The following HCN1 variants were observed in gnomAD, a reference collection of about 807,000 sequenced individuals.
HCN1 encodes the protein hyperpolarization activated cyclic nucleotide gated potassium channel 1.
Under a neutral mutation model 78.9 loss-of-function variants are expected in HCN1, and 13 were observed. The ratio of observed to expected loss-of-function variants is 0.16; its 90% CI spans 0.11 to 0.26. The LOEUF is 0.26. HCN1 is among the 10% of genes least tolerant of loss of function. The pLI, the probability that HCN1 is intolerant of heterozygous loss-of-function variation, is 1.00. For missense variants in HCN1, 810 were observed against 1,154.3 expected, an observed-to-expected ratio of 0.70 and a Z score of 4.32; for synonymous variants, 552 against 455.5, an observed-to-expected ratio of 1.21 and a Z score of -2.70.
chr5:45,314,959 A>G (rs182252330), intron 5 of HCN1, among the ~76,000 whole-genome samples: 36 of 152,290 alleles, frequency 2.4e-4, no homozygotes, highest in African/African-American at 8.7e-4. Flanking sequence ...CCAAACAATA[A>G]TAATGGGAGA....
At chr5:45,271,434 T>C (rs1254297534) in intron 6 of HCN1, among the ~76,000 whole-genome samples, 3 of 151,788 alleles carry the variant, frequency 2.0e-5, no homozygotes, top group Non-Finnish European at 4.4e-5. Flanking sequence ...TTAGGGATTC[T>C]TTTTTTGGTA....
rs567627683 is a variant in HCN1, at chr5:45,343,649, G to T, written c.1377+9451C>A. ...AATGGTTTAATGATGGAAGAAAAAT[G>T]ACTTCATTATATAATCTACTACATG... On this transcript the variant is annotated intron_variant, in intron 5 of 7. Coordinates refer to ENST00000303230, the MANE Select transcript of HCN1 (RefSeq NM_021072.4). Among the ~76,000 whole-genome samples the T allele has an allele frequency of 7.2e-5, 11 of 152,250 alleles. No homozygotes were observed. In the South Asian group the frequency reaches 2.3e-3, roughly 32 times the overall value.
intron 5 of HCN1, among the ~76,000 whole-genome samples, chr5:45,308,664 C>A (rs929165506): frequency 1.2e-4 from 18 of 151,952 alleles, no homozygotes; most frequent in Non-Finnish European, 2.4e-4. Context: ...ATGTTTCTAT[C>A]AAGTTTTTAT....
chr5:45,522,611 T>TTTTTG (rs1223399631), intron 2 of HCN1, among the ~76,000 whole-genome samples: 1 of 151,874 alleles, frequency 6.6e-6, no homozygotes, highest in African/African-American at 2.4e-5. Context: ...TCTTTTTTTT[T>TTTTTG]TTTTGTTTTG....
chr5:45,272,295 T>C (rs904569389), intron 6 of HCN1, among the ~76,000 whole-genome samples: 4 of 152,036 alleles, frequency 2.6e-5, no homozygotes, highest in Non-Finnish European at 4.4e-5. Context: ...ATAAAGGATA[T>C]ATATAGAAAA....
chr5:45,636,820 C>A (rs923474706), intron 2 of HCN1, among the ~76,000 whole-genome samples: 1 of 151,968 alleles, frequency 6.6e-6, no homozygotes, highest in Non-Finnish European at 1.5e-5. Flanking sequence ...TTAGCCTGAG[C>A]AAAAGAGCAA....
At chr5:45,282,808 G>A (rs1041542550) in intron 6 of HCN1, among the ~76,000 whole-genome samples, 2 of 152,114 alleles carry the variant, frequency 1.3e-5, no homozygotes, top group African/African-American at 2.4e-5. Flanking sequence ...TCTTCAGTGT[G>A]TAGTGTGTAT....
intron 3 of HCN1, among the ~76,000 whole-genome samples, chr5:45,431,816 A>T (rs191257579): frequency 6.6e-6 from 1 of 152,120 alleles, no homozygotes; most frequent in Non-Finnish European, 1.5e-5. Flanking sequence ...TAGCGCCACC[A>T]TACTGTTTTG....
At chr5:45,575,563 C>T (rs1291561336) in intron 2 of HCN1, 1 of 152,024 alleles carries the variant, frequency 6.6e-6, no homozygotes, top group East Asian at 1.9e-4. Context: ...TACCCTAAAA[C>T]TTAAAGTATA....
At chr5:45,586,850 TA>T (rs1361525123) in intron 2 of HCN1, among the ~76,000 whole-genome samples, 2 of 152,206 alleles carry the variant, frequency 1.3e-5, no homozygotes, top group Non-Finnish European at 2.9e-5. Flanking sequence ...TTGCTGTATG[TA>T]ATAGACTATC....
intron 3 of HCN1, among the ~76,000 whole-genome samples, chr5:45,446,492 A>G (rs1263850609): frequency 6.6e-6 from 1 of 152,154 alleles, no homozygotes; most frequent in East Asian, 1.9e-4. Context: ...AACTTCCCCA[A>G]TCTAGCAAGG....
chr5:45,341,247 G>A (rs1746574228), intron 5 of HCN1, among the ~76,000 whole-genome samples: 1 of 152,134 alleles, frequency 6.6e-6, no homozygotes, highest in Admixed American at 6.6e-5. Flanking sequence ...AATTTGCAAG[G>A]AAAAAATTCA....
intron 4 of HCN1, among the ~76,000 whole-genome samples, chr5:45,387,562 C>A (rs923629613): frequency 6.6e-6 from 1 of 152,094 alleles, no homozygotes; most frequent in African/African-American, 2.4e-5. Flanking sequence ...AAATAAGACA[C>A]GGTGTATAAG....
At chr5:45,449,397 C>T (rs888457425) in intron 3 of HCN1, among the ~76,000 whole-genome samples, 3 of 152,142 alleles carry the variant, frequency 2.0e-5, no homozygotes, top group Non-Finnish European at 4.4e-5. Flanking sequence ...CTCTAACCAA[C>T]AAATTCAGTT....
intron 3 of HCN1, among the ~76,000 whole-genome samples, chr5:45,416,450 C>T (rs1393530719): frequency 6.6e-6 from 1 of 151,964 alleles, no homozygotes; most frequent in Non-Finnish European, 1.5e-5. Flanking sequence ...ATGATATATA[C>T]AACCTGACAA....
intron 2 of HCN1, among the ~76,000 whole-genome samples, chr5:45,586,286 C>A (rs1252748108): frequency 6.6e-6 from 1 of 152,112 alleles, no homozygotes; most frequent in Non-Finnish European, 1.5e-5. Context: ...GCTGTGCTAA[C>A]AGTGAGTGAG....
chr5:45,526,505 C>T (rs1266816540), intron 2 of HCN1, among the ~76,000 whole-genome samples: 1 of 152,060 alleles, frequency 6.6e-6, no homozygotes, highest in Non-Finnish European at 1.5e-5. Context: ...TGTCCCAATC[C>T]CACTACTTCC....
intron 2 of HCN1, among the ~76,000 whole-genome samples, chr5:45,638,225 T>C (rs1376161320): frequency 1.3e-5 from 2 of 152,182 alleles, no homozygotes; most frequent in Non-Finnish European, 2.9e-5. Flanking sequence ...CCTACTGAGC[T>C]TGAGGAACTC....
intron 3 of HCN1, among the ~76,000 whole-genome samples, chr5:45,442,410 C>A (rs374686243): frequency 6.6e-6 from 1 of 152,000 alleles, no homozygotes; most frequent in Non-Finnish European, 1.5e-5. Flanking sequence ...GAGGTGGAAA[C>A]TGAGGGCCTG....
Sources: gnomAD v4.1 joint callset for allele counts (sites outside exome capture counted in the v4.1 genomes callset) on GRCh38, gnomAD v4.1.1 for gene constraint, MANE v1.5 for transcripts, NCBI Gene and HGNC (gene_info 2026-07-23, HGNC 2026-07-21) for gene names.